CNTNAP2: variants seen among roughly 807,000 people sequenced by gnomAD.
CNTNAP2 encodes contactin associated protein 2.
A neutral mutation model predicts 155.2 loss-of-function variants in CNTNAP2; 98 were observed. That is an observed-to-expected ratio of 0.63 (90% CI 0.54 to 0.75). The LOEUF is 0.75. CNTNAP2 is among the 30% of genes least tolerant of loss of function. The probability of loss-of-function intolerance (pLI) is 0.00; values close to 1 mark genes in which losing one functional copy is unlikely to be tolerated. For synonymous variants in CNTNAP2, 651 were observed against 631.2 expected (o/e 1.03, Z -0.47); for missense variants, 1,727 against 1,688.1 (o/e 1.02, Z -0.40).
At position 146,204,667 on chromosome 7, in the gene CNTNAP2, C is replaced by G. The variant is rs369858291; in HGVS notation, c.97+87694C>G. On this transcript the variant is annotated intron_variant, in intron 1 of 23. Transcript: ENST00000361727. ...TATAGTAAATACTTTTCAAATGTTT[C>G]AACCATAGAGTTAAAACATCTTAGA... Among the ~76,000 whole-genome samples, 11 of 152,094 alleles carry G rather than the reference C, an allele frequency of 7.2e-5. No homozygotes were observed. In the East Asian group the frequency reaches 1.7e-3, roughly 24 times the overall value.
intron 1 of CNTNAP2, among the ~76,000 whole-genome samples, chr7:146,163,077 A>T (rs920195924): frequency 6.6e-6 from 1 of 152,210 alleles, no homozygotes; most frequent in African/African-American, 2.4e-5. Context: ...TAACGGGTGC[A>T]GCACACCAAC....
At chr7:146,231,322 T>A (rs1799381106) in intron 1 of CNTNAP2, among the ~76,000 whole-genome samples, 1 of 152,156 alleles carries the variant, frequency 6.6e-6, no homozygotes, top group African/African-American at 2.4e-5. Context: ...ATCTCCTTAG[T>A]AAGACGCAGG....
At chr7:147,850,275 A>G (rs1205662312) in intron 13 of CNTNAP2, among the ~76,000 whole-genome samples, 1 of 152,238 alleles carries the variant, frequency 6.6e-6, no homozygotes, top group East Asian at 1.9e-4. Flanking sequence ...GAGGACACAA[A>G]CAAATGGAAG....
chr7:147,896,512 G>A (rs186210618), intron 13 of CNTNAP2, among the ~76,000 whole-genome samples: 12 of 152,226 alleles, frequency 7.9e-5, no homozygotes, highest in Non-Finnish European at 1.6e-4. Context: ...ACAACTTGGC[G>A]GGTCGGGGGG....
Position 146,717,594 on chromosome 7 carries a change from G to A in CNTNAP2, c.98-56677G>A, listed in dbSNP as rs181872834. The stretch of plus-strand genomic sequence containing the variant: ...AATTTTACAAAGGCATTCCATTCCT[G>A]TTTTGGCACTGCCATTGGTCATCCA... On this transcript the variant is annotated intron_variant, in intron 1 of 23. Coordinates refer to ENST00000361727, the MANE Select transcript of CNTNAP2 (RefSeq NM_014141.6). 2.0e-3 allele frequency among the ~76,000 whole-genome samples: 310 copies of A among 152,092 alleles called. 2 individuals carry two copies. Among genetic ancestry groups the A allele is most frequent in the Non-Finnish European group, 3.6e-3 (243 of 67,992 alleles).
intron 15 of CNTNAP2, among the ~76,000 whole-genome samples, chr7:148,002,495 A>G (rs1801915883): frequency 6.6e-6 from 1 of 152,168 alleles, no homozygotes; most frequent in Non-Finnish European, 1.5e-5. Flanking sequence ...TGTAGTCCCC[A>G]TGCCAAGAAT....
chr7:146,810,408 G>A (rs1372221066), intron 2 of CNTNAP2, among the ~76,000 whole-genome samples: 1 of 149,880 alleles, frequency 6.7e-6, no homozygotes, highest in Non-Finnish European at 1.5e-5. Context: ...TCACCTCCTA[G>A]GTTAAATTTA....
chr7:148,358,910 G>A (rs1288638380), intron 21 of CNTNAP2, among the ~76,000 whole-genome samples: 1 of 152,042 alleles, frequency 6.6e-6, no homozygotes, highest in Non-Finnish European at 1.5e-5. Context: ...TTTTTTTCCT[G>A]TGTGATTGGT....
chr7:148,080,754 A>G (rs1219791452), intron 15 of CNTNAP2, among the ~76,000 whole-genome samples: 1 of 152,166 alleles, frequency 6.6e-6, no homozygotes, highest in Non-Finnish European at 1.5e-5. Context: ...GAACACTTTT[A>G]CTGGTATCAG....
chr7:148,387,389 A>C (rs542775896), intron 22 of CNTNAP2, among the ~76,000 whole-genome samples: 3 of 152,228 alleles, frequency 2.0e-5, no homozygotes, highest in African/African-American at 2.4e-5. Flanking sequence ...CAGTATATAC[A>C]CAAAAATGCC....
chr7:147,636,580 C>T (rs1201112519), intron 12 of CNTNAP2, among the ~76,000 whole-genome samples: 2 of 152,086 alleles, frequency 1.3e-5, no homozygotes, highest in African/African-American at 4.8e-5. Flanking sequence ...TGTCCTAATG[C>T]TCTCCCTCCC....
intron 11 of CNTNAP2, among the ~76,000 whole-genome samples, chr7:147,491,592 A>G (rs1269716362): frequency 1.3e-5 from 2 of 152,180 alleles, no homozygotes; most frequent in Non-Finnish European, 2.9e-5. Flanking sequence ...TTCATCCACC[A>G]GTTTAAATCT....
rs552809032 is a variant in CNTNAP2 at position 146,440,038 on chromosome 7, C to T, written c.97+323065C>T. On this transcript the variant is annotated intron_variant, in intron 1 of 23. Transcript: ENST00000361727. ...ACTCTGGAAGCTGTGGCAGGAGAATCGCTTGAACCCGGGAGGCAGAGGTTG... is the reference window on the plus strand; with the variant it reads ...ACTCTGGAAGCTGTGGCAGGAGAATTGCTTGAACCCGGGAGGCAGAGGTTG... Among the ~76,000 whole-genome samples the T allele has an allele frequency of 9.2e-5, 14 of 151,638 alleles. No homozygotes were observed. The East Asian group carries it at 1.6e-3, about 17-fold the overall frequency.
intron 17 of CNTNAP2, among the ~76,000 whole-genome samples, chr7:148,152,791 T>TGG (rs1349729314): frequency 1.3e-5 from 2 of 151,920 alleles, no homozygotes; most frequent in Admixed American, 6.6e-5. Flanking sequence ...GAGGCCGAGA[T>TGG]GGGGGGATCA....
chr7:148,405,419 A>ATTTTTTTTTTTTTT (rs1585349617), intron 22 of CNTNAP2, among the ~76,000 whole-genome samples: 1 of 84,516 alleles, frequency 1.2e-5, no homozygotes, highest in African/African-American at 6.6e-5. Context: ...TTACCATTGT[A>ATTTTTTTTTTTTTT]ATTTTTTTTT....
chr7:146,382,555 G>A (rs1402150228), intron 1 of CNTNAP2, among the ~76,000 whole-genome samples: 1 of 152,082 alleles, frequency 6.6e-6, no homozygotes, highest in Non-Finnish European at 1.5e-5. Context: ...ACTTTATAAA[G>A]TACATATAAT....
intron 11 of CNTNAP2, among the ~76,000 whole-genome samples, chr7:147,496,252 C>T (rs550851291): frequency 2.4e-4 from 37 of 152,196 alleles, no homozygotes; most frequent in Non-Finnish European, 4.9e-4. Flanking sequence ...GAAAAACTGT[C>T]TTCCATGAAA....
At chr7:146,780,150 C>G (rs563428663) in intron 2 of CNTNAP2, among the ~76,000 whole-genome samples, 9 of 152,134 alleles carry the variant, frequency 5.9e-5, no homozygotes, top group Non-Finnish European at 1.3e-4. Context: ...TAAAAGTGTT[C>G]CTATTTCTCC....
At chr7:147,915,655 C>G (rs1174395030) in intron 14 of CNTNAP2, among the ~76,000 whole-genome samples, 1 of 150,128 alleles carries the variant, frequency 6.7e-6, no homozygotes, top group Non-Finnish European at 1.5e-5. Flanking sequence ...TCATGAAGGC[C>G]ATTTTCATTA....
Sources: allele counts gnomAD v4.1 joint callset (sites outside exome capture counted in the v4.1 genomes callset), GRCh38; gene constraint gnomAD v4.1.1; transcripts MANE v1.5; gene names NCBI Gene and HGNC (gene_info 2026-07-23, HGNC 2026-07-21).